The following CDC42BPA variants were observed in gnomAD, a reference collection of about 807,000 sequenced individuals.
CDC42BPA encodes CDC42 binding protein kinase alpha.
Under a neutral mutation model 223.5 loss-of-function variants are expected in CDC42BPA, and 80 were observed. That is an observed-to-expected ratio of 0.36 (90% confidence interval 0.30 to 0.43). The LOEUF (loss-of-function observed/expected upper bound fraction) is 0.43. Among genes scored for constraint, CDC42BPA ranks in the 20% least tolerant of loss-of-function variants. The pLI, the probability that CDC42BPA is intolerant of heterozygous loss-of-function variation, is 1.00. For synonymous variants in CDC42BPA, 694 were observed against 718.6 expected (o/e 0.97, Z 0.55); for missense variants, 1,743 against 2,099.9 (o/e 0.83, Z 3.32).
intron 1 of CDC42BPA, among the ~76,000 whole-genome samples, chr1:227,279,191 A>C (rs1256643283): frequency 1.3e-5 from 2 of 152,156 alleles, no homozygotes; most frequent in Non-Finnish European, 2.9e-5. Flanking sequence ...ATTAGTTGGA[A>C]ACCTGTGTTC....
intron 35 of CDC42BPA, among the ~76,000 whole-genome samples, chr1:226,996,110 T>C (rs1416767128): frequency 6.6e-6 from 1 of 152,244 alleles, no homozygotes; most frequent in Admixed American, 6.5e-5. Context: ...CCTCAGCTTC[T>C]TTGCGAAGCC....
chr1:227,117,119 AG>A (rs900072604), intron 12 of CDC42BPA, among the ~76,000 whole-genome samples: 12 of 152,152 alleles, frequency 7.9e-5, no homozygotes, highest in African/African-American at 2.9e-4. Context: ...GCCAGCTCTC[AG>A]GGTATTTCTC....
Position 227,160,556 on chromosome 1 carries a change from A to C in CDC42BPA, c.680T>G (p.Met227Arg), listed in dbSNP as rs1350931275. Residue 227 changes from methionine (M) to arginine (R), a missense_variant, in exon 6 of 37, where the codon ATG becomes AGG. Coordinates refer to ENST00000366766, the MANE Select transcript of CDC42BPA (RefSeq NM_001394014.1). Reference sequence around the variant, plus strand: ...ATCTTTATTTACCGTTCCATCTTCCATCAGCTTCAGACAAGAACCAAAATC... The same window carrying C: ...ATCTTTATTTACCGTTCCATCTTCCCTCAGCTTCAGACAAGAACCAAAATC... ...LADFGSCLKLMEDGTVQSSVA... is the reference protein window; with the variant it reads ...LADFGSCLKLREDGTVQSSVA... 2.5e-6 allele frequency: 4 copies of C among 1,588,802 alleles called. No individual in the cohort carries two copies. Among genetic ancestry groups the C allele is most frequent in the African/African-American group, 1.3e-5 (1 of 74,460 alleles).
At chr1:227,142,271 G>C (rs1571934328) in intron 9 of CDC42BPA, among the ~76,000 whole-genome samples, 1 of 152,154 alleles carries the variant, frequency 6.6e-6, no homozygotes, top group East Asian at 1.9e-4. Context: ...ATTTAAACAG[G>C]GTAAGGGGGA....
chr1:227,238,137 G>A (rs1679407112), intron 2 of CDC42BPA, among the ~76,000 whole-genome samples: 1 of 150,078 alleles, frequency 6.7e-6, no homozygotes, highest in South Asian at 2.1e-4. Context: ...AGGATCACTT[G>A]AGGCCAGGAG....
At chr1:227,017,911 A>C (rs921857878) in intron 32 of CDC42BPA, among the ~76,000 whole-genome samples, 1 of 152,130 alleles carries the variant, frequency 6.6e-6, no homozygotes, top group African/African-American at 2.4e-5. Context: ...AGGTGAGAAG[A>C]AGCCAAACGA....
rs1656456184 is a variant in CDC42BPA at position 227,129,120 on chromosome 1, T to C, written c.1502A>G (p.Lys501Arg). Residue 501 changes from lysine to arginine, a missense_variant, in exon 11 of 37, where the codon AAA (lysine) becomes AGA (arginine). Physicochemically the swap from Lys to Arg is conservative, Grantham distance 26 (BLOSUM62 2). This residue lies in a region of CDC42BPA where 464 missense variants were observed against 488.0 expected (regional missense o/e 0.95). Coordinates refer to ENST00000366766, the MANE Select transcript of CDC42BPA (RefSeq NM_001394014.1). ...TCACAGATATTTACCTGTTACTTGT[T>C]TTCTTAGTTTTTCAATTTCTTCTTT... is the stretch of plus-strand genomic sequence containing the variant. The part of the protein sequence containing the change: ...NLKEEIEKLR[K>R]QVTESSHLEQ... 3 of 1,434,212 alleles carry C rather than the reference T, an allele frequency of 2.1e-6. No homozygotes were observed. Among genetic ancestry groups the C allele is most frequent in the Non-Finnish European group, 9.7e-7 (1 of 1,028,914 alleles). The allele number at this position is 1,434,212 out of a possible 1,614,324, so 88.8% of individuals were successfully genotyped here.
At chr1:227,111,510 G>A (rs991923668) in intron 14 of CDC42BPA, among the ~76,000 whole-genome samples, 9 of 152,070 alleles carry the variant, frequency 5.9e-5, no homozygotes, top group Non-Finnish European at 8.8e-5. Context: ...TGTTTAAGAC[G>A]GAGTTTCGCT....
intron 8 of CDC42BPA, 74 bp from the exon 9 acceptor site, chr1:227,143,098 G>A: frequency 2.2e-6 from 2 of 907,708 alleles, no homozygotes; most frequent in African/African-American, 1.8e-5. Context: ...AATATAAAAT[G>A]CCAAAAAGAA....
chr1:227,133,405 C>T (rs1169855347), intron 10 of CDC42BPA, among the ~76,000 whole-genome samples: 6 of 152,102 alleles, frequency 3.9e-5, no homozygotes, highest in African/African-American at 9.7e-5. Flanking sequence ...TCTGCCCGGC[C>T]GCCCCTACTG....
intron 2 of CDC42BPA, among the ~76,000 whole-genome samples, chr1:227,240,773 A>C (rs1440763566): frequency 2.0e-5 from 3 of 152,028 alleles, no homozygotes; most frequent in African/African-American, 7.2e-5. Flanking sequence ...ATAGTAGCTA[A>C]AAATAGAAGG....
At chr1:227,106,660 A>G (rs1428642689) in intron 14 of CDC42BPA, among the ~76,000 whole-genome samples, 5 of 152,164 alleles carry the variant, frequency 3.3e-5, no homozygotes, top group African/African-American at 1.2e-4. Flanking sequence ...CTAAGAATCC[A>G]TTATCAAATC....
intron 1 of CDC42BPA, among the ~76,000 whole-genome samples, chr1:227,282,866 G>T (rs911655657): frequency 2.6e-5 from 4 of 152,160 alleles, no homozygotes; most frequent in Non-Finnish European, 5.9e-5. Flanking sequence ...CATTTTTAAT[G>T]AGTACAGTTT....
At chr1:227,297,979 CACATAT>C (rs1293433363) in intron 1 of CDC42BPA, among the ~76,000 whole-genome samples, 3 of 130,830 alleles carry the variant, frequency 2.3e-5, no homozygotes, top group Non-Finnish European at 4.8e-5. Context: ...CACACACACA[CACATAT>C]ATACATATAT....
chr1:227,310,480 A>C (rs1160871979), intron 1 of CDC42BPA, among the ~76,000 whole-genome samples: 1 of 152,138 alleles, frequency 6.6e-6, no homozygotes, highest in Admixed American at 6.5e-5. Context: ...ATGAAAGCTA[A>C]AGTGCTGCTC....
chr1:227,155,216 C>T (rs1662514437), intron 6 of CDC42BPA, among the ~76,000 whole-genome samples: 3 of 152,078 alleles, frequency 2.0e-5, no homozygotes, highest in Non-Finnish European at 4.4e-5. Context: ...GAGAGAAAGG[C>T]TGTAATAAAA....
chr1:227,273,936 G>A (rs1204057706), intron 1 of CDC42BPA, among the ~76,000 whole-genome samples: 1 of 146,326 alleles, frequency 6.8e-6, no homozygotes, highest in African/African-American at 2.5e-5. Context: ...TTGGGATTGG[G>A]AGGTGGTGGT....
At chr1:227,315,306 T>C (rs1676631325) in intron 1 of CDC42BPA, among the ~76,000 whole-genome samples, 1 of 152,062 alleles carries the variant, frequency 6.6e-6, no homozygotes, top group South Asian at 2.1e-4. Context: ...ATGGAAAATA[T>C]ATATAAATTA....
At chr1:227,086,267 T>C (rs924068615) in intron 16 of CDC42BPA, among the ~76,000 whole-genome samples, 2 of 152,220 alleles carry the variant, frequency 1.3e-5, no homozygotes, top group Non-Finnish European at 2.9e-5. Flanking sequence ...TTGTTTACTA[T>C]TATGAGAATA....
Sources: allele counts gnomAD v4.1 joint callset (sites outside exome capture counted in the v4.1 genomes callset), GRCh38; gene constraint gnomAD v4.1.1; regional missense constraint gnomAD v4.1.1; transcripts MANE v1.5; gene names NCBI Gene and HGNC (gene_info 2026-07-23, HGNC 2026-07-21).